CROT: variants seen among roughly 807,000 people sequenced by gnomAD.
The protein encoded by CROT is peroxisomal carnitine O-octanoyltransferase.
Under a neutral mutation model 89.2 loss-of-function variants are expected in CROT, and 84 were observed. The ratio of observed to expected loss-of-function variants is 0.94; its 90% CI spans 0.79 to 1.13. The LOEUF is 1.13. Among genes scored for constraint, CROT ranks in the 50% most tolerant of loss-of-function variants. The probability of loss-of-function intolerance (pLI) is 0.00; values close to 1 mark genes in which losing one functional copy is unlikely to be tolerated. For synonymous variants in CROT, 212 were observed against 239.5 expected (o/e 0.89, Z 1.06); for missense variants, 711 against 727.8 (o/e 0.98, Z 0.27).
In CROT at chr7:87,399,221, T is replaced by C. The variant is rs1807667769; in HGVS notation, c.*577T>C. 1 of 153,038 alleles carries C rather than the reference T, an allele frequency of 6.5e-6. No individual in the cohort carries two copies. The highest frequency in any genetic ancestry group is 1.5e-5 in the Non-Finnish European group (1 of 68,732). The allele number at this position is 153,038 out of a possible 1,614,324, so 9.5% of individuals were successfully genotyped here. On this transcript the variant is annotated 3_prime_UTR_variant, in exon 18 of 18. Transcript: ENST00000331536. Reference sequence around the variant, plus strand: ...TGGGTGCAGTGGCTCATGCCTATAATCTTAGCACTTTGGGAGGCCAAGGTA... The same window carrying C: ...TGGGTGCAGTGGCTCATGCCTATAACCTTAGCACTTTGGGAGGCCAAGGTA...
chr7:87,366,538 TC>T (rs1806454986), intron 6 of CROT, among the ~76,000 whole-genome samples: 1 of 152,212 alleles, frequency 6.6e-6, no homozygotes, highest in African/African-American at 2.4e-5. Flanking sequence ...GGCTCTCATT[TC>T]CTTCAGTTTA....
chr7:87,390,149 T>A (rs1807313835), intron 13 of CROT, among the ~76,000 whole-genome samples: 1 of 152,190 alleles, frequency 6.6e-6, no homozygotes, highest in Non-Finnish European at 1.5e-5. Context: ...AAACTGGTAG[T>A]TAGAGCTAGA....
At chr7:87,360,218 T>A in intron 4 of CROT, 1 of 483,136 alleles carries the variant, frequency 2.1e-6, no homozygotes, top group South Asian at 9.0e-5. Flanking sequence ...GGTAATTTGA[T>A]AAGATGTGCT....
At chr7:87,359,493 G>T in intron 4 of CROT, 163 bp downstream of exon 4, 2 of 1,379,888 alleles carry the variant, frequency 1.4e-6, no homozygotes, top group Non-Finnish European at 1.9e-6. Flanking sequence ...GGAGTTTTCA[G>T]TGGGTGGATT....
chr7:87,371,349 T>G (rs1281099691), intron 7 of CROT, among the ~76,000 whole-genome samples: 1 of 152,214 alleles, frequency 6.6e-6, no homozygotes, highest in Non-Finnish European at 1.5e-5. Context: ...TCTTTCCATA[T>G]TGGTACAAAT....
Position 87,382,336 on chromosome 7 carries a change from C to G in CROT, c.1171-77C>G, listed in dbSNP as rs541841033. 9.1e-5 allele frequency: 134 copies of G among 1,478,020 alleles called. 1 individual carries two copies. The highest frequency in any genetic ancestry group is 8.6e-4 in the South Asian group (69 of 80,110). 91.6% of individuals were successfully genotyped at this position (1,478,020 alleles called of 1,614,324 possible). On this transcript the variant is annotated intron_variant, in intron 12 of 17. Coordinates refer to ENST00000331536, the MANE Select transcript of CROT (RefSeq NM_021151.4). ...TTTATGTCTGGTGATTACTTTAATG[C>G]AGGTGATAATTTGCTTCTCTTTGGT... is the stretch of plus-strand genomic sequence containing the variant.
intron 17 of CROT, chr7:87,398,208 T>C: frequency 8.1e-6 from 4 of 495,666 alleles, no homozygotes; most frequent in South Asian, 5.0e-5. Context: ...AGTAGCACTT[T>C]AGGAAGGACT....
At chr7:87,390,704 C>CTT (rs1807332164) in intron 13 of CROT, among the ~76,000 whole-genome samples, 2 of 152,070 alleles carry the variant, frequency 1.3e-5, no homozygotes, top group African/African-American at 4.8e-5. Flanking sequence ...CAGATATCAC[C>CTT]CTGGGGAACT....
At chr7:87,381,460 A>C (rs1807000484) in intron 10 of CROT, among the ~76,000 whole-genome samples, 1 of 152,160 alleles carries the variant, frequency 6.6e-6, no homozygotes, top group Admixed American at 6.5e-5. Flanking sequence ...AATATTCACT[A>C]AGTGGCCTAA....
chr7:87,347,217 C>T (rs1805712279), intron 2 of CROT, among the ~76,000 whole-genome samples: 2 of 152,212 alleles, frequency 1.3e-5, no homozygotes, highest in East Asian at 3.8e-4. Flanking sequence ...GAGAATATCA[C>T]AATCACAGGA....
rs1208880137 is a variant in CROT at position 87,375,725 on chromosome 7, G to C, written c.750G>C (p.Lys250Asn). ...GTGAGGAGCGAACTCGATGGGCTAA[G>C]GTTCTGATTTACACTTTTCTTAACG... ...LTSEERTRWA[K>N]AREYLIGLDP... The change falls in exon 8 of 18, where the codon AAG (lysine) becomes AAC (asparagine). Residue 250 changes from lysine to asparagine, a missense_variant and splice_region_variant. By Grantham distance (94) the Lys-to-Asn change is moderately conservative (BLOSUM62 0). Coordinates refer to ENST00000331536, the MANE Select transcript of CROT (RefSeq NM_021151.4). The C allele has an allele frequency of 6.2e-7, 1 of 1,613,330 alleles. No individual in the cohort carries two copies. Among genetic ancestry groups the C allele is most frequent in the Admixed American group, 1.7e-5 (1 of 59,962 alleles).
chr7:87,387,811 G>A (rs1332016475), intron 13 of CROT, among the ~76,000 whole-genome samples: 1 of 152,142 alleles, frequency 6.6e-6, no homozygotes, highest in African/African-American at 2.4e-5. Context: ...AATTAGCTGG[G>A]TATTGTGGTG....
At chr7:87,393,143 T>G (rs751526586) in intron 17 of CROT, 76 bp downstream of exon 17, 97 of 1,450,768 alleles carry the variant, frequency 6.7e-5, no homozygotes, top group Admixed American at 1.3e-4. Context: ...ATGCCTTTCC[T>G]ACACTGTGAT....
At chr7:87,376,492 C>T (rs1036023776) in intron 9 of CROT, among the ~76,000 whole-genome samples, 1 of 151,576 alleles carries the variant, frequency 6.6e-6, no homozygotes, top group African/African-American at 2.4e-5. Flanking sequence ...CATTTGTGTC[C>T]CAGGAAATAA....
chr7:87,375,555 T>C (rs2115932909), intron 7 of CROT, 77 bp from the exon 8 acceptor site: 1 of 963,404 alleles, frequency 1.0e-6, no homozygotes, highest in Non-Finnish European at 1.6e-6. Context: ...TATTGATCAA[T>C]GTTATGACCT....
At chr7:87,371,846 C>G (rs1268380774) in intron 7 of CROT, among the ~76,000 whole-genome samples, 1 of 151,854 alleles carries the variant, frequency 6.6e-6, no homozygotes, top group Non-Finnish European at 1.5e-5. Flanking sequence ...AAAAAATTAG[C>G]TGGACATGAT....
intron 13 of CROT, among the ~76,000 whole-genome samples, chr7:87,384,085 T>C (rs538590777): frequency 6.6e-6 from 1 of 152,292 alleles, no homozygotes; most frequent in East Asian, 1.9e-4. Context: ...CTAGCATCTG[T>C]TATTGCCTAT....
intron 4 of CROT, chr7:87,360,098 G>T: frequency 1.0e-6 from 1 of 957,838 alleles, no homozygotes; most frequent in Non-Finnish European, 1.2e-6. Flanking sequence ...TTTAATTAAA[G>T]AGGGGTAAAG....
chr7:87,367,910 C>G (rs1218110212), intron 6 of CROT, among the ~76,000 whole-genome samples: 1 of 152,224 alleles, frequency 6.6e-6, no homozygotes, highest in South Asian at 2.1e-4. Flanking sequence ...CATACCTTCT[C>G]TTCACCCTTG....
Sources: gnomAD v4.1 joint callset for allele counts (sites outside exome capture counted in the v4.1 genomes callset) on GRCh38, gnomAD v4.1.1 for gene constraint, MANE v1.5 for transcripts, NCBI Gene and HGNC (gene_info 2026-07-23, HGNC 2026-07-21) for gene names.